The following PRODH2 variants were observed in gnomAD, a reference collection of about 807,000 sequenced individuals.
The protein encoded by PRODH2 is proline dehydrogenase 2.
A neutral mutation model predicts 51.9 loss-of-function variants in PRODH2; 49 were observed. The ratio of observed to expected loss-of-function variants is 0.94; its 90% confidence interval spans 0.75 to 1.20. The LOEUF (loss-of-function observed/expected upper bound fraction) is 1.20, where lower values mean the gene tolerates loss of function less well. PRODH2 is among the 50% of genes most tolerant of loss of function. PRODH2 has a pLI of 0.00. For missense variants in PRODH2, 597 were observed against 610.9 expected (o/e 0.98, Z 0.24); for synonymous variants, 249 against 260.7 (o/e 0.96, Z 0.43).
In PRODH2 at chr19:35,806,434, G is replaced by T; in HGVS notation, c.997C>A (p.Gln333Lys). The change falls in exon 7 of 10, where the codon CAG (glutamine) becomes AAG (lysine). Residue 333 changes from glutamine to lysine, a missense_variant. Transcript: ENST00000653904. ...GGCCAGCTGGCCCGGGCCTACCTCTGACTGGTGGCCTCATAGTCAGGCTGA... is the reference window on the plus strand; with the variant it reads ...GGCCAGCTGGCCCGGGCCTACCTCTTACTGGTGGCCTCATAGTCAGGCTGA... ...PTQPDYEATSQSYSRCLELML... is the reference protein window; with the variant it reads ...PTQPDYEATSKSYSRCLELML... 1 of 1,614,000 alleles carries T rather than the reference G, an allele frequency of 6.2e-7. No homozygotes were observed. Among genetic ancestry groups the T allele is most frequent in the Non-Finnish European group, 8.5e-7 (1 of 1,180,016 alleles).
Position 35,800,193 on chromosome 19 carries a change from T to G in PRODH2, c.1228A>C (p.Ile410Leu), listed in dbSNP as rs2146776047. ...ACCTCCTCCAAGGAGCCATAGGGAA[T>G]GGACTTATACACTACATAGCCGGCC... ...GQAGYVVYKS[I>L]PYGSLEEVIP... Residue 410 changes from isoleucine to leucine, a missense_variant, in exon 10 of 10, where the codon ATT becomes CTT. Ile to Leu is a conservative substitution (Grantham distance 5). Coordinates refer to ENST00000653904, the MANE Select transcript of PRODH2 (RefSeq NM_021232.2). The G allele has an allele frequency of 1.3e-6, 2 of 1,599,992 alleles. No homozygotes were observed. The highest frequency in any genetic ancestry group is 1.7e-5 in the Admixed American group (1 of 57,802).
intron 7 of PRODH2, among the ~76,000 whole-genome samples, chr19:35,803,346 C>T (rs755373201): frequency 6.6e-6 from 1 of 152,166 alleles, no homozygotes; most frequent in Non-Finnish European, 1.5e-5. Flanking sequence ...CCTCCACCTC[C>T]CAGGTTCAAG....
intron 4 of PRODH2, among the ~76,000 whole-genome samples, chr19:35,808,239 T>C (rs116271958): frequency 4.6e-5 from 7 of 152,230 alleles, no homozygotes; most frequent in Admixed American, 1.3e-4. Flanking sequence ...CACAGTCTTA[T>C]GCAGATTCAT....
chr19:35,807,212 G>T, intron 4 of PRODH2, 91 bp from the exon 5 acceptor site: 1 of 1,214,600 alleles, frequency 8.2e-7, no homozygotes, highest in Non-Finnish European at 1.2e-6. Flanking sequence ...TTATTGAGGG[G>T]GTTATGAGCC....
chr19:35,811,575 G>A (rs1339962437), intron 4 of PRODH2, among the ~76,000 whole-genome samples: 1 of 151,970 alleles, frequency 6.6e-6, no homozygotes, highest in Non-Finnish European at 1.5e-5. Context: ...AGATGGAGTA[G>A]GGTTGAAAGA....
rs1972634861 is a variant in PRODH2 at position 35,812,653 on chromosome 19, TG to T, written c.152del (p.Pro51HisfsTer43). 1 of 1,593,214 alleles carries T rather than the reference TG, an allele frequency of 6.3e-7. No individual in the cohort carries two copies. The highest frequency in any genetic ancestry group is 1.7e-5 in the Admixed American group (1 of 58,594). On this transcript the variant is annotated frameshift_variant, in exon 1 of 10. Transcript: ENST00000653904. LOFTEE classifies it high-confidence loss of function. Reference sequence around the variant, plus strand: ...TCACCAACAGCCCGTGAGTGACGAGTGGGGGCCAGGCACACAGCCGGAGAAC... The same window carrying T: ...TCACCAACAGCCCGTGAGTGACGAGTGGGGCCAGGCACACAGCCGGAGAAC... ...LLVLRLCAWP[P>X]LVTHGLLLQA...
At chr19:35,806,914 T>A in intron 5 of PRODH2, 84 bp from the exon 6 acceptor site, 1 of 1,548,772 alleles carries the variant, frequency 6.5e-7, no homozygotes, top group Non-Finnish European at 8.7e-7. Flanking sequence ...GGGTTACCTG[T>A]GCCACCCGAT....
chr19:35,808,259 T>C (rs2146785717), intron 4 of PRODH2, among the ~76,000 whole-genome samples: 1 of 152,318 alleles, frequency 6.6e-6, no homozygotes, highest in African/African-American at 2.4e-5. Context: ...TCTGGCTGAA[T>C]GTGAGCTGCT....
intron 4 of PRODH2, among the ~76,000 whole-genome samples, chr19:35,810,857 G>A (rs1972597366): frequency 6.6e-6 from 1 of 152,190 alleles, no homozygotes. Flanking sequence ...GATTGCTCAA[G>A]TGTGTGTATT....
chr19:35,809,290 T>C (rs116359237), intron 4 of PRODH2, among the ~76,000 whole-genome samples: 4,240 of 152,046 alleles, frequency 0.028, 172 homozygotes, highest in African/African-American at 0.091. Flanking sequence ...GAGATGAGGG[T>C]TTACTATATT....
At chr19:35,807,798 C>T (rs1209742958) in intron 4 of PRODH2, among the ~76,000 whole-genome samples, 3 of 152,002 alleles carry the variant, frequency 2.0e-5, no homozygotes, top group Non-Finnish European at 4.4e-5. Context: ...TTTGCTGAGA[C>T]GGGGTCTTGC....
intron 9 of PRODH2, among the ~76,000 whole-genome samples, chr19:35,801,589 G>A (rs1002039263): frequency 2.0e-5 from 3 of 152,164 alleles, no homozygotes; most frequent in Non-Finnish European, 2.9e-5. Context: ...AATTCACAGA[G>A]TTGCGGGGGG....
Position 35,806,704 on chromosome 19 carries a change from C to T in PRODH2, c.805G>A (p.Val269Met), listed in dbSNP as rs1190516914. 3 of 1,614,168 alleles carry T rather than the reference C, an allele frequency of 1.9e-6. No homozygotes were observed. Among genetic ancestry groups the T allele is most frequent in the South Asian group, 2.2e-5 (2 of 91,080 alleles). Residue 269 changes from valine (V) to methionine (M), a missense_variant, in exon 6 of 10, where the codon GTG becomes ATG. Physicochemically the swap from Val to Met is conservative, Grantham distance 21. Coordinates refer to ENST00000653904, the MANE Select transcript of PRODH2 (RefSeq NM_021232.2). The stretch of plus-strand genomic sequence containing the variant: ...AGACAGGCCTGGTAGGTGTTCCACA[C>T]CCAGGGCCCGCCTTCACCCGGGCTG... ...WNSPGEGGPW[V>M]WNTYQACLKD... is the part of the protein sequence containing the mutation.
chr19:35,802,303 C>T (rs1326048248), intron 8 of PRODH2, 27 bp from the exon 9 acceptor site: 2 of 1,605,946 alleles, frequency 1.2e-6, no homozygotes, highest in Non-Finnish European at 1.7e-6. Context: ...ATCATCAGTC[C>T]AGACTGTGGC....
chr19:35,801,599 G>A (rs1472072215), intron 9 of PRODH2, among the ~76,000 whole-genome samples: 1 of 152,126 alleles, frequency 6.6e-6, no homozygotes, highest in Non-Finnish European at 1.5e-5. Context: ...GTTGCGGGGG[G>A]ACATTGAGTC....
chr19:35,805,798 C>T (rs1340451244), intron 7 of PRODH2, among the ~76,000 whole-genome samples: 1 of 152,184 alleles, frequency 6.6e-6, no homozygotes, highest in East Asian at 1.9e-4. Context: ...GTGGCTAGGC[C>T]ACCTGCTCTG....
chr19:35,808,789 T>TTCCCTCCCCTCCTTCC lies in PRODH2; in HGVS notation c.598-1669_598-1668insGGAAGGAGGGGAGGGA, dbSNP rs544928961. Among the ~76,000 whole-genome samples the TTCCCTCCCCTCCTTCC allele has an allele frequency of 6.8e-3, 896 of 130,882 alleles. 10 individuals are homozygous for TTCCCTCCCCTCCTTCC. The highest frequency in any genetic ancestry group is 0.023 in the African/African-American group (857 of 37,214). 85.9% of individuals were successfully genotyped at this position (130,882 alleles called of 152,430 possible). A position where few individuals can be genotyped will look rare whatever the true frequency, so the allele number is the denominator to read the frequency against. ...CTCTCTTTTCTCCCTCCCTCCCTCCTTCCCTCCCTTCCTTCCTTCCTTCTT... is the reference window on the plus strand; with the variant it reads ...CTCTCTTTTCTCCCTCCCTCCCTCCTTCCCTCCCCTCCTTCCTCCCTCCCTTCCTTCCTTCCTTCTT... On this transcript the variant is annotated intron_variant, in intron 4 of 9. Coordinates refer to ENST00000653904, the MANE Select transcript of PRODH2 (RefSeq NM_021232.2).
chr19:35,802,537 G>A (rs1025370297), intron 8 of PRODH2: 1 of 552,208 alleles, frequency 1.8e-6, no homozygotes, highest in Non-Finnish European at 3.3e-6. Flanking sequence ...AGGACTTACA[G>A]GTATAGCAGG....
chr19:35,802,476 C>T (rs1972448276), intron 8 of PRODH2, 200 bp from the exon 9 acceptor site: 1 of 607,438 alleles, frequency 1.6e-6, no homozygotes, highest in East Asian at 2.8e-5. Flanking sequence ...CCTCAGACCT[C>T]CTCATGCCCC....
Sources: gnomAD v4.1 joint callset for allele counts (sites outside exome capture counted in the v4.1 genomes callset) on GRCh38, gnomAD v4.1.1 for gene constraint, MANE v1.5 for transcripts, NCBI Gene and HGNC (gene_info 2026-07-23, HGNC 2026-07-21) for gene names.